Variants in IQCJ observed in about 807,000 individuals in gnomAD.
IQCJ encodes IQ motif containing J.
Under a neutral mutation model 11.0 loss-of-function variants are expected in IQCJ, and 9 were observed. The ratio of observed to expected loss-of-function variants is 0.82; its 90% CI spans 0.49 to 1.43. IQCJ has a LOEUF of 1.43. Ranked by LOEUF, IQCJ falls within the 40% of genes most tolerant of loss-of-function variation. IQCJ has a pLI of 0.00. For missense variants in IQCJ, 146 were observed against 133.2 expected (o/e 1.10, Z -0.47); for synonymous variants, 55 against 51.3 (o/e 1.07, Z -0.31).
intron 1 of IQCJ, among the ~76,000 whole-genome samples, chr3:159,107,375 T>A (rs750850622): frequency 6.6e-6 from 1 of 152,206 alleles, no homozygotes; most frequent in Non-Finnish European, 1.5e-5. Flanking sequence ...AGACAGCAAA[T>A]GTGCTGGCAC....
intron 1 of IQCJ, among the ~76,000 whole-genome samples, chr3:159,121,268 G>A (rs1407116886): frequency 6.6e-6 from 1 of 151,656 alleles, no homozygotes; most frequent in East Asian, 1.9e-4. Flanking sequence ...TGAATAGCTG[G>A]GACCACAGGC....
intron 1 of IQCJ, among the ~76,000 whole-genome samples, chr3:159,140,182 A>C (rs1720522740): frequency 6.6e-6 from 1 of 152,134 alleles, no homozygotes; most frequent in Non-Finnish European, 1.5e-5. Context: ...AGTTTACATT[A>C]GGGTTCACGA....
intron 1 of IQCJ, among the ~76,000 whole-genome samples, chr3:159,240,752 G>C (rs1726867988): frequency 6.6e-6 from 1 of 151,858 alleles, no homozygotes; most frequent in South Asian, 2.1e-4. Flanking sequence ...ACTACACCCA[G>C]CTAATTTTTT....
At chr3:159,246,293 G>T (rs1438615516) in intron 2 of IQCJ, among the ~76,000 whole-genome samples, 1 of 152,016 alleles carries the variant, frequency 6.6e-6, no homozygotes, top group Non-Finnish European at 1.5e-5. Context: ...ACTACAGAAT[G>T]GGACAAAACT....
At chr3:159,155,502 CT>C (rs1345426760) in intron 1 of IQCJ, among the ~76,000 whole-genome samples, 2 of 152,056 alleles carry the variant, frequency 1.3e-5, no homozygotes, top group African/African-American at 4.8e-5. Context: ...ATGGATTCCA[CT>C]TGTGTAACCT....
chr3:159,228,933 G>A (rs1009080198), intron 1 of IQCJ, among the ~76,000 whole-genome samples: 3 of 152,150 alleles, frequency 2.0e-5, no homozygotes, highest in African/African-American at 2.4e-5. Context: ...TTAATCTTCT[G>A]CACAATCTAC....
At chr3:159,198,686 G>A (rs1217570661) in intron 1 of IQCJ, among the ~76,000 whole-genome samples, 6 of 152,126 alleles carry the variant, frequency 3.9e-5, no homozygotes, top group African/African-American at 1.4e-4. Context: ...ATGTGTCTTG[G>A]CTTCTTTTTG....
At chr3:159,246,684 A>G (rs936798806) in intron 2 of IQCJ, among the ~76,000 whole-genome samples, 2 of 152,228 alleles carry the variant, frequency 1.3e-5, no homozygotes, top group East Asian at 1.9e-4. Context: ...GAAGAGGTCA[A>G]TTAAAATTGT....
In IQCJ at chr3:159,118,128, T is replaced by G. The variant is rs1387894970; in HGVS notation, c.9+48687T>G. Among the ~76,000 whole-genome samples the G allele has an allele frequency of 2.6e-5, 4 of 152,240 alleles. No homozygotes were observed. The East Asian group carries it at 7.7e-4, about 29-fold the overall frequency. ...TACTAAACCTTCTATGTCTTTAGTT[T>G]CATAACATCAGCAATTATAAAATGG... is the stretch of plus-strand genomic sequence containing the variant. On this transcript the variant is annotated intron_variant, in intron 1 of 3. Transcript: ENST00000397832.
At chr3:159,140,190 C>T (rs528400205) in intron 1 of IQCJ, among the ~76,000 whole-genome samples, 21 of 152,064 alleles carry the variant, frequency 1.4e-4, no homozygotes, top group Non-Finnish European at 2.6e-4. Flanking sequence ...TTAGGGTTCA[C>T]GATTGGTGTT....
intron 1 of IQCJ, among the ~76,000 whole-genome samples, chr3:159,118,728 C>A (rs1719176558): frequency 6.6e-6 from 1 of 152,198 alleles, no homozygotes; most frequent in Admixed American, 6.5e-5. Flanking sequence ...TACTGAACAC[C>A]ATTTCTATGG....
intron 1 of IQCJ, among the ~76,000 whole-genome samples, chr3:159,240,993 A>G (rs1726885453): frequency 1.3e-5 from 2 of 152,262 alleles, no homozygotes; most frequent in South Asian, 4.1e-4. Flanking sequence ...GGCTCATCTT[A>G]GAATTTTGTA....
chr3:159,079,859 AT>A (rs1224111377), intron 1 of IQCJ, among the ~76,000 whole-genome samples: 2 of 152,012 alleles, frequency 1.3e-5, no homozygotes, highest in Non-Finnish European at 2.9e-5. Context: ...ACAAATCTTT[AT>A]TTTTTTATAA....
At chr3:159,241,280 G>C (rs1232967602) in intron 1 of IQCJ, among the ~76,000 whole-genome samples, 1 of 151,790 alleles carries the variant, frequency 6.6e-6, no homozygotes, top group African/African-American at 2.4e-5. Context: ...ATGGTGGTGG[G>C]TGCCTGTAAT....
intron 1 of IQCJ, among the ~76,000 whole-genome samples, chr3:159,073,070 A>C (rs185004893): frequency 2.4e-4 from 37 of 152,218 alleles, no homozygotes; most frequent in African/African-American, 8.2e-4. Context: ...CTGACCACAC[A>C]ATGCAGATAT....
At chr3:159,104,128 T>G (rs1241129300) in intron 1 of IQCJ, among the ~76,000 whole-genome samples, 1 of 152,240 alleles carries the variant, frequency 6.6e-6, no homozygotes. Flanking sequence ...AAGGGCCATT[T>G]ACTCTTCCCC....
At chr3:159,184,795 G>C (rs568562179) in intron 1 of IQCJ, among the ~76,000 whole-genome samples, 4 of 152,276 alleles carry the variant, frequency 2.6e-5, no homozygotes, top group African/African-American at 9.6e-5. Context: ...ACAGAATCTA[G>C]TCTAGCTAGT....
At chr3:159,076,263 C>A (rs998550954) in intron 1 of IQCJ, among the ~76,000 whole-genome samples, 1 of 151,994 alleles carries the variant, frequency 6.6e-6, no homozygotes, top group Non-Finnish European at 1.5e-5. Flanking sequence ...TTTAATTCTG[C>A]CTTCAATTTT....
At chr3:159,154,340 T>C (rs1412246058) in intron 1 of IQCJ, among the ~76,000 whole-genome samples, 1 of 152,154 alleles carries the variant, frequency 6.6e-6, no homozygotes, top group Non-Finnish European at 1.5e-5. Context: ...CCAAACACAA[T>C]GAGAGGCCTT....
Sources: gnomAD v4.1 joint callset for allele counts (sites outside exome capture counted in the v4.1 genomes callset) on GRCh38, gnomAD v4.1.1 for gene constraint, MANE v1.5 for transcripts, NCBI Gene and HGNC (gene_info 2026-07-23, HGNC 2026-07-21) for gene names.